Variants in RCL1 observed in about 807,000 individuals in gnomAD.
The protein encoded by RCL1 is RNA terminal phosphate cyclase like 1.
In RCL1, 24 loss-of-function variants were observed where a neutral mutation model predicts 42.4. The ratio of observed to expected loss-of-function variants is 0.57; its 90% confidence interval spans 0.41 to 0.80. The LOEUF is 0.80. Among genes scored for constraint, RCL1 ranks in the 30% least tolerant of loss-of-function variants. RCL1 has a pLI of 0.00. For missense variants in RCL1, 578 were observed against 467.9 expected, an observed-to-expected ratio of 1.24 and a Z score of -2.17; for synonymous variants, 228 against 177.3, an observed-to-expected ratio of 1.29 and a Z score of -2.27.
At chr9:4,805,718 G>C (rs1021353355) in intron 1 of RCL1, among the ~76,000 whole-genome samples, 1 of 152,104 alleles carries the variant, frequency 6.6e-6, no homozygotes, top group African/African-American at 2.4e-5. Context: ...GTGCATGCTG[G>C]TGGATGGAGG....
chr9:4,820,130 A>G (rs1816539688), intron 1 of RCL1, among the ~76,000 whole-genome samples: 1 of 152,218 alleles, frequency 6.6e-6, no homozygotes, highest in Non-Finnish European at 1.5e-5. Context: ...ATTCATAAAC[A>G]GTGTAGTAAA....
intron 5 of RCL1, 21 bp downstream of exon 5, chr9:4,834,286 G>T (rs1288944259): frequency 6.9e-6 from 11 of 1,594,268 alleles, no homozygotes; most frequent in African/African-American, 2.7e-5. Context: ...CATTTATTTG[G>T]ATTTCTTTTT....
intron 1 of RCL1, among the ~76,000 whole-genome samples, chr9:4,794,640 C>CTTT (rs5896092): frequency 1.1e-4 from 16 of 147,668 alleles, no homozygotes; most frequent in Non-Finnish European, 2.1e-4. Context: ...GTAGGCATAA[C>CTTT]TTTTTTTTTT....
intron 6 of RCL1, among the ~76,000 whole-genome samples, chr9:4,844,138 TCTC>T (rs1375627155): frequency 2.6e-4 from 39 of 152,266 alleles, no homozygotes; most frequent in African/African-American, 9.1e-4. Flanking sequence ...TTTTGGCTAG[TCTC>T]CTGCCAGACA....
rs145388847 is a variant in RCL1 at position 4,860,230 on chromosome 9, C to G, written c.1077C>G (p.Thr359=). 3.1e-6 allele frequency: 5 copies of G among 1,613,518 alleles called. No individual in the cohort carries two copies. The highest frequency in any genetic ancestry group is 4.2e-6 in the Non-Finnish European group (5 of 1,179,790). The change falls in exon 9 of 9, where the codon ACC becomes ACG. Residue 359 remains threonine (T), a synonymous_variant. Transcript: ENST00000381750. ...ELKGGDKVLM[T]CVGIGFSNLS... ...AGGGTGGGGATAAAGTGCTGATGAC[C>G]TGTGTTGGCATTGGTTTCTCCAACC...
At chr9:4,854,192 A>G (rs2129734502) in intron 8 of RCL1, among the ~76,000 whole-genome samples, 1 of 152,260 alleles carries the variant, frequency 6.6e-6, no homozygotes, top group South Asian at 2.1e-4. Context: ...TCCTGTCTGA[A>G]CTGGGCCTGG....
chr9:4,839,535 C>A, intron 5 of RCL1: 4 of 339,894 alleles, frequency 1.2e-5, no homozygotes, highest in Non-Finnish European at 1.7e-5. Context: ...AGCCTCAGAC[C>A]TCAGAAGGAC....
rs771905842 is a variant in RCL1 at position 4,841,353 on chromosome 9, G to A, written c.706G>A (p.Gly236Arg). 6.2e-7 allele frequency: 1 copy of A among 1,610,912 alleles called. No individual in the cohort carries two copies. Among genetic ancestry groups the A allele is most frequent in the Non-Finnish European group, 8.5e-7 (1 of 1,177,294 alleles). Residue 236 changes from glycine (G) to arginine (R), a missense_variant, in exon 6 of 9, where the codon GGG (glycine) becomes AGG (arginine). By Grantham distance (125) the Gly-to-Arg change is moderately radical. Coordinates refer to ENST00000381750, the MANE Select transcript of RCL1 (RefSeq NM_005772.5). ...YTDHMKGVNS[G>R]KSPGFGLSLV... ...AGATCACATGAAAGGAGTCAACTCT[G>A]GGAAGTAAGTATCTGTGTTTTTGAA... is the stretch of plus-strand genomic sequence containing the variant.
intron 7 of RCL1, among the ~76,000 whole-genome samples, chr9:4,847,517 C>T (rs886472928): frequency 1.3e-5 from 2 of 152,182 alleles, no homozygotes; most frequent in Non-Finnish European, 2.9e-5. Flanking sequence ...TCTTTCCATC[C>T]TTTTCACTGC....
chr9:4,839,672 C>G, intron 5 of RCL1: 2 of 985,416 alleles, frequency 2.0e-6, no homozygotes, highest in Non-Finnish European at 2.4e-6. Context: ...AAAAATCCCT[C>G]TTTGCTCTTT....
intron 1 of RCL1, among the ~76,000 whole-genome samples, chr9:4,805,206 A>G (rs1268799895): frequency 6.6e-6 from 1 of 151,966 alleles, no homozygotes; most frequent in Non-Finnish European, 1.5e-5. Flanking sequence ...CAAACAAAAC[A>G]ATAAGCAAAA....
chr9:4,802,609 A>G (rs149303725), intron 1 of RCL1, among the ~76,000 whole-genome samples: 2 of 151,892 alleles, frequency 1.3e-5, no homozygotes, highest in Non-Finnish European at 2.9e-5. Flanking sequence ...TCATTTTTCA[A>G]TGTTTACAAA....
At chr9:4,831,605 T>C (rs1400694780) in intron 3 of RCL1, among the ~76,000 whole-genome samples, 2 of 151,884 alleles carry the variant, frequency 1.3e-5, no homozygotes, top group Non-Finnish European at 2.9e-5. Context: ...GCCTCTCAAG[T>C]AGCTAGGACC....
chr9:4,841,056 T>C (rs923774249), intron 5 of RCL1, 176 bp from the exon 6 acceptor site: 12 of 660,282 alleles, frequency 1.8e-5, no homozygotes, highest in Middle Eastern at 3.3e-4. Context: ...CCATGACCTT[T>C]TATAATAATG....
intron 1 of RCL1, among the ~76,000 whole-genome samples, chr9:4,815,045 C>T (rs142033135): frequency 6.6e-6 from 1 of 151,982 alleles, no homozygotes; most frequent in Non-Finnish European, 1.5e-5. Context: ...TTAGAATTCT[C>T]TTTTTATCTT....
intron 2 of RCL1, among the ~76,000 whole-genome samples, chr9:4,825,551 A>G (rs1816733116): frequency 6.6e-6 from 1 of 152,134 alleles, no homozygotes. Context: ...CATTTATTTT[A>G]TGAAAGTCCC....
intron 1 of RCL1, among the ~76,000 whole-genome samples, chr9:4,815,315 A>G (rs1198567615): frequency 6.6e-6 from 1 of 151,650 alleles, no homozygotes; most frequent in Non-Finnish European, 1.5e-5. Flanking sequence ...CTCATTTCTT[A>G]TTTCTTTGAG....
At position 4,825,277 on chromosome 9, in the gene RCL1, G is replaced by A. The variant is rs412457; in HGVS notation, c.209-1581G>A. Among the ~76,000 whole-genome samples, 297 of 152,240 alleles carry A rather than the reference G, an allele frequency of 2.0e-3. 1 individual carries two copies. The Middle Eastern group carries it at 0.024, about 12-fold the overall frequency. On this transcript the variant is annotated intron_variant, in intron 2 of 8. Transcript: ENST00000381750. ...CCACTACATGTCCTTTTAATTTTCC[G>A]CATCAGAGTAGTAAAAGCCTTCATT...
chr9:4,818,766 G>A (rs147383523), intron 1 of RCL1, among the ~76,000 whole-genome samples: 1 of 151,896 alleles, frequency 6.6e-6, no homozygotes, highest in Non-Finnish European at 1.5e-5. Context: ...TAGCTACTCG[G>A]GAGGGTGAGG....
Sources: allele counts gnomAD v4.1 joint callset (sites outside exome capture counted in the v4.1 genomes callset), GRCh38; gene constraint gnomAD v4.1.1; transcripts MANE v1.5; gene names NCBI Gene and HGNC (gene_info 2026-07-23, HGNC 2026-07-21).